Variants in PCDH10 observed in about 807,000 individuals in gnomAD.
PCDH10 encodes protocadherin-10.
PCDH10 carries 15 observed loss-of-function variants against 74.4 expected under a neutral mutation model. That is an observed-to-expected ratio of 0.20 (90% CI 0.13 to 0.31). PCDH10 has a LOEUF of 0.31. Ranked by LOEUF, PCDH10 falls within the 10% of genes least tolerant of loss-of-function variation. The pLI is 1.00. For missense variants in PCDH10, 1,260 were observed against 1,390.2 expected, an observed-to-expected ratio of 0.91 and a Z score of 1.49; for synonymous variants, 619 against 589.8, an observed-to-expected ratio of 1.05 and a Z score of -0.72.
rs772263978 is a variant in PCDH10 at position 133,163,087 on chromosome 4, C to T, written c.2908C>T (p.Arg970Cys). Residue 970 changes from arginine to cysteine, a missense_variant, in exon 4 of 5, where the codon CGC becomes TGC. Around this residue, in one of 11 missense-constraint regions of PCDH10, gnomAD observed 136 missense variants for 149.3 expected, o/e 0.91. Coordinates refer to ENST00000264360, the MANE Select transcript of PCDH10 (RefSeq NM_032961.3). Reference protein sequence around the residue: ...PSDGRQAADYRSNLHVPGMDS... With the variant: ...PSDGRQAADYCSNLHVPGMDS... ...TGATGGACGCCAGGCTGCTGATTATCGCAGCAATCTGCATGTTCCTGGCAT... is the reference window on the plus strand; with the variant it reads ...TGATGGACGCCAGGCTGCTGATTATTGCAGCAATCTGCATGTTCCTGGCAT... The T allele has an allele frequency of 1.2e-6, 2 of 1,613,992 alleles. No individual in the cohort carries two copies. Among genetic ancestry groups the T allele is most frequent in the Non-Finnish European group, 8.5e-7 (1 of 1,179,884 alleles).
At chr4:133,166,785 C>A (rs2125864865) in intron 4 of PCDH10, among the ~76,000 whole-genome samples, 1 of 151,466 alleles carries the variant, frequency 6.6e-6, no homozygotes, top group South Asian at 2.1e-4. Context: ...TTGTTGATTT[C>A]TTGCCAATAA....
chr4:133,174,670 A>G (rs1364633826), intron 4 of PCDH10, among the ~76,000 whole-genome samples: 2 of 151,328 alleles, frequency 1.3e-5, no homozygotes, highest in Admixed American at 6.6e-5. Flanking sequence ...AGGCAAAATG[A>G]CTGGTATTAG....
At chr4:133,196,849 A>G (rs538837612), downstream of PCDH10, among the ~76,000 whole-genome samples, 4 of 152,238 alleles carry the variant, frequency 2.6e-5, no homozygotes, top group Non-Finnish European at 5.9e-5. Flanking sequence ...CAGTTTCACA[A>G]TGCAAGTAGT....
chr4:133,151,559 T>C lies in PCDH10; in HGVS notation c.1419T>C (p.Thr473=), dbSNP rs1261860256. ...FSQPVYDVYV[T]ENNVPGAYIY... is the part of the protein sequence containing the mutation. The stretch of plus-strand genomic sequence containing the variant: ...AGCCGGTCTACGACGTGTATGTGAC[T>C]GAAAACAACGTGCCTGGCGCCTACA... The change falls in exon 1 of 5, where the codon ACT becomes ACC. Residue 473 remains threonine, a synonymous_variant. Coordinates refer to ENST00000264360, the MANE Select transcript of PCDH10 (RefSeq NM_032961.3). The C allele has an allele frequency of 6.2e-7, 1 of 1,614,034 alleles. No individual in the cohort carries two copies. Among genetic ancestry groups the C allele is most frequent in the Non-Finnish European group, 8.5e-7 (1 of 1,180,018 alleles).
downstream of PCDH10, among the ~76,000 whole-genome samples, chr4:133,195,733 AAAAT>A (rs1245453472): frequency 6.6e-6 from 1 of 152,138 alleles, no homozygotes; most frequent in African/African-American, 2.4e-5. Context: ...TATAACATAA[AAAAT>A]AAGTAAATAA....
intron 4 of PCDH10, among the ~76,000 whole-genome samples, chr4:133,179,245 GA>G (rs34799813): frequency 6.6e-6 from 1 of 152,084 alleles, no homozygotes; most frequent in Non-Finnish European, 1.5e-5. Flanking sequence ...ACTAGCTTAC[GA>G]AAATCAATGA....
At position 133,152,308 on chromosome 4, in the gene PCDH10, G is replaced by A. The variant is rs1726735495; in HGVS notation, c.2168G>A (p.Gly723Asp). The change falls in exon 1 of 5, where the codon GGC becomes GAC. Residue 723 changes from glycine to aspartate, a missense_variant. This residue lies in a region of PCDH10 where 587 missense variants were observed against 616.9 expected (regional missense o/e 0.95). Transcript: ENST00000264360. The part of the protein sequence containing the change: ...DLTLILIIAL[G>D]SVSFIFLLAM... ...ACCCTCATCCTCATCATCGCGTTGGGCTCGGTGTCCTTCATCTTCCTGCTG... is the reference window on the plus strand; with the variant it reads ...ACCCTCATCCTCATCATCGCGTTGGACTCGGTGTCCTTCATCTTCCTGCTG... 2 of 1,614,028 alleles carry A rather than the reference G, an allele frequency of 1.2e-6. No homozygotes were observed. Among genetic ancestry groups the A allele is most frequent in the Admixed American group, 1.7e-5 (1 of 60,008 alleles).
At chr4:133,178,885 A>AT (rs1203799700) in intron 4 of PCDH10, among the ~76,000 whole-genome samples, 1 of 147,528 alleles carries the variant, frequency 6.8e-6, no homozygotes, top group Non-Finnish European at 1.5e-5. Flanking sequence ...TATGTGCCTT[A>AT]TTTTTTCTTC....
At chr4:133,157,398 A>G (rs1726889685) in intron 3 of PCDH10, among the ~76,000 whole-genome samples, 1 of 152,210 alleles carries the variant, frequency 6.6e-6, no homozygotes, top group South Asian at 2.1e-4. Flanking sequence ...ACTATTTCCA[A>G]AAATTTAAGC....
chr4:133,201,856 CAAAAAAA>C (rs11400760), intron 2 of PCDH10, among the ~76,000 whole-genome samples: 3 of 72,372 alleles, frequency 4.1e-5, no homozygotes, highest in African/African-American at 1.6e-4. Flanking sequence ...AACTCCATCT[CAAAAAAA>C]AAAAAAAAAA....
At chr4:133,153,264 C>T (rs1726782297) in intron 1 of PCDH10, 1 of 1,010,470 alleles carries the variant, frequency 9.9e-7, no homozygotes, top group South Asian at 4.5e-5. Flanking sequence ...GTTGTCTAAC[C>T]TCGAATTCAT....
At chr4:133,163,695 A>G (rs1020030539) in intron 4 of PCDH10, among the ~76,000 whole-genome samples, 1 of 152,192 alleles carries the variant, frequency 6.6e-6, no homozygotes, top group Admixed American at 6.5e-5. Context: ...TGATAAAGAT[A>G]AAACTCATAA....
chr4:133,173,430 C>T (rs907822809), intron 4 of PCDH10, among the ~76,000 whole-genome samples: 1 of 151,942 alleles, frequency 6.6e-6, no homozygotes, highest in Non-Finnish European at 1.5e-5. Flanking sequence ...ACCTTGACAT[C>T]GGTTCTTGCT....
downstream of PCDH10, among the ~76,000 whole-genome samples, chr4:133,199,378 A>G (rs980960815): frequency 6.6e-6 from 1 of 150,932 alleles, no homozygotes; most frequent in African/African-American, 2.4e-5. Flanking sequence ...AAAAAGAGAC[A>G]TTGGGGTAGG....
chr4:133,151,543 A>G lies in PCDH10; in HGVS notation c.1403A>G (p.Tyr468Cys). The part of the protein sequence containing the change: ...DNAPRFSQPV[Y>C]DVYVTENNVP... ...GCGCCGCGTTTCAGCCAGCCGGTCT[A>G]CGACGTGTATGTGACTGAAAACAAC... The change falls in exon 1 of 5, where the codon TAC becomes TGC. Residue 468 changes from tyrosine (Y) to cysteine (C), a missense_variant. Tyr to Cys is a radical substitution (Grantham distance 194). This residue lies in a region of PCDH10 where 587 missense variants were observed against 616.9 expected (regional missense o/e 0.95). Coordinates refer to ENST00000264360, the MANE Select transcript of PCDH10 (RefSeq NM_032961.3). 6.2e-7 allele frequency: 1 copy of G among 1,614,142 alleles called. No individual in the cohort carries two copies. The highest frequency in any genetic ancestry group is 8.5e-7 in the Non-Finnish European group (1 of 1,180,036).
chr4:133,151,772 A>G lies in PCDH10; in HGVS notation c.1632A>G (p.Glu544=), dbSNP rs531255597. The G allele has an allele frequency of 2.5e-6, 4 of 1,613,098 alleles. No homozygotes were observed. The highest frequency in any genetic ancestry group is 1.3e-5 in the African/African-American group (1 of 75,070). ...EQLKDFSFQV[E]ARDAGSPQAL... ...TGAAGGACTTCAGTTTTCAGGTGGA[A>G]GCCCGGGACGCTGGCAGCCCCCAGG... The change falls in exon 1 of 5, where the codon GAA becomes GAG. Residue 544 remains glutamate (E), a synonymous_variant. Transcript: ENST00000264360.
rs1320301547 is a variant in PCDH10 at position 133,190,422 on chromosome 4, A to G, written c.*262A>G. On this transcript the variant is annotated 3_prime_UTR_variant, in exon 5 of 5. Transcript: ENST00000264360. ...CGATCAGTGTGTGCCTGTTTACAGC[A>G]CTATCTATCTTTCTCTCTCCAAATG... 6.3e-6 allele frequency: 3 copies of G among 477,528 alleles called. No homozygotes were observed. In the East Asian group the frequency reaches 9.8e-5, roughly 16 times the overall value. The allele number at this position is 477,528 out of a possible 1,614,324, so 29.6% of individuals were successfully genotyped here.
Position 133,150,082 on chromosome 4 carries a change from T to G in PCDH10, c.-59T>G, listed in dbSNP as rs546448356. On this transcript the variant is annotated 5_prime_UTR_variant, in exon 1 of 5. Transcript: ENST00000264360. Reference sequence around the variant, plus strand: ...CAGATTTTTTTTTGTTTCGTGGTGGTGGGGGAGGTGATTGGGTGGCTGACT... The same window carrying G: ...CAGATTTTTTTTTGTTTCGTGGTGGGGGGGGAGGTGATTGGGTGGCTGACT... 14 of 1,450,554 alleles carry G rather than the reference T, an allele frequency of 9.7e-6. No individual in the cohort carries two copies. In the South Asian group the frequency reaches 1.6e-4, roughly 17 times the overall value. The allele number at this position is 1,450,554 out of a possible 1,614,324, so 89.9% of individuals were successfully genotyped here.
Position 133,149,294 on chromosome 4 carries a change from A to T in PCDH10, c.-847A>T, listed in dbSNP as rs1217865844. 2 of 152,480 alleles carry T rather than the reference A, an allele frequency of 1.3e-5. No individual in the cohort carries two copies. The highest frequency in any genetic ancestry group is 2.9e-5 in the Non-Finnish European group (2 of 68,112). 9.4% of individuals were successfully genotyped at this position (152,480 alleles called of 1,614,324 possible). ...CGGAGAAGCCGAGCGCTCGGAGCTC[A>T]GAAACTGCCAGCCCAGACCACAGGC... On this transcript the variant is annotated 5_prime_UTR_variant, in exon 1 of 5. Transcript: ENST00000264360.
Sources: gnomAD v4.1 joint callset for allele counts (sites outside exome capture counted in the v4.1 genomes callset) on GRCh38, gnomAD v4.1.1 for gene constraint, gnomAD v4.1.1 regional missense constraint, MANE v1.5 for transcripts, NCBI Gene and HGNC (gene_info 2026-07-23, HGNC 2026-07-21) for gene names.